NIPSNAP2: variants seen among roughly 807,000 people sequenced by gnomAD.
NIPSNAP2 encodes the protein nipsnap homolog 2.
NIPSNAP2 carries 42 observed loss-of-function variants against 48.4 expected under a neutral mutation model. The ratio of observed to expected loss-of-function variants is 0.87; its 90% CI spans 0.68 to 1.12. The LOEUF (loss-of-function observed/expected upper bound fraction) is 1.12. Ranked by LOEUF, NIPSNAP2 falls within the 50% of genes most tolerant of loss-of-function variation. The probability of loss-of-function intolerance (pLI) is 0.00; values close to 1 mark genes in which losing one functional copy is unlikely to be tolerated. For missense variants in NIPSNAP2, 314 were observed against 347.3 expected (o/e 0.90, Z 0.76); for synonymous variants, 158 against 126.6 (o/e 1.25, Z -1.67).
chr7:55,982,390 A>G (rs899185387), intron 5 of NIPSNAP2, 110 bp downstream of exon 5: 2 of 674,630 alleles, frequency 3.0e-6, no homozygotes, highest in Non-Finnish European at 5.1e-6. Context: ...TTTTTTTGTA[A>G]CAGAAATTTT....
chr7:55,996,438 G>C (rs1262368208), intron 8 of NIPSNAP2, among the ~76,000 whole-genome samples: 1 of 152,048 alleles, frequency 6.6e-6, no homozygotes, highest in African/African-American at 2.4e-5. Context: ...CACCTGGTCA[G>C]CTTGCACCTT....
chr7:55,972,517 G>A (rs1374103870), intron 1 of NIPSNAP2, among the ~76,000 whole-genome samples: 1 of 148,566 alleles, frequency 6.7e-6, no homozygotes, highest in Non-Finnish European at 1.5e-5. Context: ...ACTACACCCT[G>A]CACCTCCCGG....
At chr7:55,970,588 A>G (rs569706889) in intron 1 of NIPSNAP2, among the ~76,000 whole-genome samples, 90 of 152,222 alleles carry the variant, frequency 5.9e-4, no homozygotes, top group Admixed American at 1.1e-3. Flanking sequence ...CTGGGATTAC[A>G]GGCATGAGGC....
At chr7:55,991,765 A>AAAT (rs1554344168) in intron 7 of NIPSNAP2, 94 of 150,156 alleles carry the variant, frequency 6.3e-4, no homozygotes, top group East Asian at 4.0e-3. Context: ...AAAAAAAAAA[A>AAAT]ATATATATAT....
chr7:55,994,800 C>A, intron 7 of NIPSNAP2, 94 bp from the exon 8 acceptor site: 3 of 989,600 alleles, frequency 3.0e-6, no homozygotes, highest in Non-Finnish European at 3.2e-6. Flanking sequence ...TCATTTTAAA[C>A]AGCCTGCCCT....
At chr7:55,989,383 G>C (rs111391994) in intron 7 of NIPSNAP2, among the ~76,000 whole-genome samples, 1 of 152,128 alleles carries the variant, frequency 6.6e-6, no homozygotes, top group African/African-American at 2.4e-5. Context: ...CCAACACTTC[G>C]GGCGGCTGAG....
intron 3 of NIPSNAP2, chr7:55,979,998 C>T: frequency 2.6e-6 from 1 of 380,880 alleles, no homozygotes; most frequent in South Asian, 1.9e-5. Context: ...TGCCAGGCCC[C>T]TTTCTGGACC....
At chr7:55,983,127 A>C (rs1221953440) in intron 5 of NIPSNAP2, among the ~76,000 whole-genome samples, 1 of 151,714 alleles carries the variant, frequency 6.6e-6, no homozygotes, top group Non-Finnish European at 1.5e-5. Flanking sequence ...TGCCTCAAAA[A>C]AACAACACAA....
At chr7:55,990,216 ATT>A (rs1787414805) in intron 7 of NIPSNAP2, among the ~76,000 whole-genome samples, 1 of 149,708 alleles carries the variant, frequency 6.7e-6, no homozygotes, top group Non-Finnish European at 1.5e-5. Context: ...CTGTACCTTA[ATT>A]TTTGTTTCTT....
chr7:55,981,332 C>T, intron 3 of NIPSNAP2, 141 bp from the exon 4 acceptor site: 1 of 615,620 alleles, frequency 1.6e-6, no homozygotes. Flanking sequence ...GTTAACTCCA[C>T]ATGCCGTTTT....
intron 7 of NIPSNAP2, among the ~76,000 whole-genome samples, chr7:55,993,737 CA>C (rs1394399787): frequency 6.6e-6 from 1 of 151,574 alleles, no homozygotes. Context: ...AAGACTGTTT[CA>C]AAAAAAATTA....
intron 1 of NIPSNAP2, among the ~76,000 whole-genome samples, chr7:55,966,547 C>T (rs887016710): frequency 9.2e-5 from 14 of 152,108 alleles, no homozygotes; most frequent in Admixed American, 2.6e-4. Context: ...CTTTGGGAGG[C>T]CGAGCTGGGC....
rs1787585366 is a variant in NIPSNAP2, at chr7:55,997,449, G to A, written c.796G>A (p.Val266Ile). 1.2e-6 allele frequency: 2 copies of A among 1,605,982 alleles called. No individual in the cohort carries two copies. Among genetic ancestry groups the A allele is most frequent in the Non-Finnish European group, 1.7e-6 (2 of 1,172,636 alleles). Residue 266 changes from valine to isoleucine, a missense_variant and splice_region_variant, in exon 9 of 10, where the codon GTT becomes ATT. Physicochemically the swap from Val to Ile is conservative, Grantham distance 29. Coordinates refer to ENST00000322090, the MANE Select transcript of NIPSNAP2 (RefSeq NM_001483.3). ...CTGGGAGGAATTGGTATATTACACA[G>A]GTAATCTCTTAACAGCCATGAAATA... ...HGWEELVYYT[V>I]PLIQEMESRI... is the part of the protein sequence containing the mutation.
rs142822880 is a variant in NIPSNAP2 at position 55,994,942 on chromosome 7, A to T, written c.666A>T (p.Gly222=). 1.7e-5 allele frequency: 27 copies of T among 1,613,202 alleles called. No individual in the cohort carries two copies. The East Asian group carries it at 5.4e-4, about 32-fold the overall frequency. ...FRQDGNEAVG[G]FFSQIGQLYM... ...AGGATGGTAACGAAGCCGTCGGAGG[A>T]TTCTTCTCTCAGATTGGGCAGCTGT... Residue 222 remains glycine (G), a synonymous_variant, in exon 8 of 10, where the codon GGA becomes GGT. Coordinates refer to ENST00000322090, the MANE Select transcript of NIPSNAP2 (RefSeq NM_001483.3).
At chr7:55,970,917 A>G (rs1422395266) in intron 1 of NIPSNAP2, among the ~76,000 whole-genome samples, 1 of 152,046 alleles carries the variant, frequency 6.6e-6, no homozygotes, top group Non-Finnish European at 1.5e-5. Context: ...GAGCTCTTGC[A>G]GTGTATGTCT....
At chr7:55,971,157 A>C (rs12532776) in intron 1 of NIPSNAP2, among the ~76,000 whole-genome samples, 32,098 of 152,086 alleles carry the variant, frequency 0.21, 3,704 homozygotes, top group East Asian at 0.35. Context: ...CCCAAGCCAG[A>C]TCTTATCATT....
At position 56,000,039 on chromosome 7, in the gene NIPSNAP2, G is replaced by A. The variant is rs1802099; in HGVS notation, c.*967G>A. ...ACTGTTACCATGTGAAAGTCCTGTT[G>A]AAATGAACAATTGTCTGCCCCACAA... On this transcript the variant is annotated 3_prime_UTR_variant, in exon 10 of 10. Transcript: ENST00000322090. 6.6e-6 allele frequency: 1 copy of A among 152,520 alleles called. No homozygotes were observed. Among genetic ancestry groups the A allele is most frequent in the South Asian group, 2.1e-4 (1 of 4,824 alleles). The allele number at this position is 152,520 out of a possible 1,614,324, so 9.4% of individuals were successfully genotyped here. A position where few individuals can be genotyped will look rare whatever the true frequency, so the allele number is the denominator to read the frequency against.
intron 3 of NIPSNAP2, 132 bp from the exon 4 acceptor site, chr7:55,981,341 T>A: frequency 1.5e-6 from 1 of 647,848 alleles, no homozygotes; most frequent in South Asian, 1.9e-5. Context: ...ACATGCCGTT[T>A]TATCATGATG....
intron 8 of NIPSNAP2, among the ~76,000 whole-genome samples, chr7:55,995,239 T>C (rs1474931737): frequency 7.6e-6 from 1 of 131,730 alleles, no homozygotes; most frequent in Admixed American, 7.8e-5. Flanking sequence ...CAAGCAGCCA[T>C]GGAAGAAGGA....
Sources: gnomAD v4.1 joint callset for allele counts (sites outside exome capture counted in the v4.1 genomes callset) on GRCh38, gnomAD v4.1.1 for gene constraint, MANE v1.5 for transcripts, NCBI Gene and HGNC (gene_info 2026-07-23, HGNC 2026-07-21) for gene names.